OPCML: variants seen among roughly 807,000 people sequenced by gnomAD.
OPCML encodes the protein opioid binding protein/cell adhesion molecule like, also known as opioid-binding protein/cell adhesion molecule.
A neutral mutation model predicts 37.8 loss-of-function variants in OPCML; 13 were observed. That is an observed-to-expected ratio of 0.34 (90% CI 0.22 to 0.55). The LOEUF (loss-of-function observed/expected upper bound fraction) is 0.55. Ranked by LOEUF, OPCML falls within the 20% of genes least tolerant of loss-of-function variation. The pLI is 0.91. For synonymous variants in OPCML, 176 were observed against 168.8 expected (o/e 1.04, Z -0.33); for missense variants, 341 against 435.6 (o/e 0.78, Z 1.93).
At chr11:133,114,613 G>A (rs1225472428) in intron 1 of OPCML, among the ~76,000 whole-genome samples, 2 of 152,032 alleles carry the variant, frequency 1.3e-5, no homozygotes, top group Non-Finnish European at 2.9e-5. Flanking sequence ...AAAATACATG[G>A]CCTAACTGCT....
rs951910002 is a variant in OPCML, at chr11:132,791,213, G to C, written c.147-133894C>G. Among the ~76,000 whole-genome samples the C allele has an allele frequency of 2.0e-5, 3 of 152,152 alleles. No individual in the cohort carries two copies. The East Asian group carries it at 5.8e-4, about 29-fold the overall frequency. On this transcript the variant is annotated intron_variant, in intron 2 of 7. Coordinates refer to ENST00000524381, the MANE Select transcript of OPCML (RefSeq NM_001012393.5). ...TCCACGATCACACACTGTTGCAGCTGGGGAAGACTTGCCACATCTTCTTTT... is the reference window on the plus strand; with the variant it reads ...TCCACGATCACACACTGTTGCAGCTCGGGAAGACTTGCCACATCTTCTTTT...
At chr11:132,614,827 A>G (rs1938891071) in intron 3 of OPCML, among the ~76,000 whole-genome samples, 1 of 152,234 alleles carries the variant, frequency 6.6e-6, no homozygotes, top group Non-Finnish European at 1.5e-5. Flanking sequence ...GTGTATTTTC[A>G]TAAGCTGGAA....
chr11:133,100,146 C>T (rs1040330870), intron 1 of OPCML, among the ~76,000 whole-genome samples: 27 of 152,146 alleles, frequency 1.8e-4, no homozygotes, highest in Admixed American at 3.3e-4. Context: ...AAAGATGGGA[C>T]GAGACACCTG....
chr11:133,165,569 T>C (rs1349765651), intron 1 of OPCML, among the ~76,000 whole-genome samples: 1 of 152,176 alleles, frequency 6.6e-6, no homozygotes, highest in Non-Finnish European at 1.5e-5. Context: ...TATTTTCTCC[T>C]AGTTAAAGGT....
intron 1 of OPCML, among the ~76,000 whole-genome samples, chr11:133,055,497 A>T (rs113617601): frequency 6.8e-6 from 1 of 146,632 alleles, no homozygotes; most frequent in African/African-American, 2.6e-5. Flanking sequence ...TGCCTCCATG[A>T]TACTTCCAAG....
At chr11:132,807,484 A>G (rs1939084376) in intron 2 of OPCML, among the ~76,000 whole-genome samples, 1 of 152,234 alleles carries the variant, frequency 6.6e-6, no homozygotes, top group East Asian at 1.9e-4. Flanking sequence ...GTCCCATTTC[A>G]CTTCAAAGAA....
At chr11:132,425,543 G>C (rs1238263637) in intron 7 of OPCML, among the ~76,000 whole-genome samples, 2 of 152,240 alleles carry the variant, frequency 1.3e-5, no homozygotes, top group East Asian at 1.9e-4. Flanking sequence ...AATGAGTTAA[G>C]ATGGTGTGTG....
At chr11:133,510,482 G>T (rs963530442) in intron 1 of OPCML, among the ~76,000 whole-genome samples, 1 of 152,192 alleles carries the variant, frequency 6.6e-6, no homozygotes, top group Admixed American at 6.5e-5. Flanking sequence ...GATGCAAATC[G>T]TTTGTGGGCA....
intron 4 of OPCML, among the ~76,000 whole-genome samples, chr11:132,447,868 T>C (rs2096059520): frequency 6.6e-6 from 1 of 152,252 alleles, no homozygotes; most frequent in Non-Finnish European, 1.5e-5. Flanking sequence ...AGAAAGATTC[T>C]GTGTGCTCTC....
chr11:133,167,051 G>T (rs1950217425), intron 1 of OPCML, among the ~76,000 whole-genome samples: 1 of 152,160 alleles, frequency 6.6e-6, no homozygotes, highest in South Asian at 2.1e-4. Flanking sequence ...GAAGTAAAAA[G>T]AGGCTGAACA....
intron 1 of OPCML, among the ~76,000 whole-genome samples, chr11:133,465,462 A>G (rs564871254): frequency 3.3e-5 from 5 of 152,238 alleles, no homozygotes; most frequent in Admixed American, 3.3e-4. Flanking sequence ...ATGTGTGTAG[A>G]TGAGTTTTAG....
chr11:133,015,387 G>GGAAT (rs2136886396), intron 1 of OPCML, among the ~76,000 whole-genome samples: 1 of 86,828 alleles, frequency 1.2e-5, no homozygotes, highest in African/African-American at 5.0e-5. Flanking sequence ...AAGGAAGGAA[G>GGAAT]GAAGGAATGA....
intron 1 of OPCML, among the ~76,000 whole-genome samples, chr11:132,970,242 T>A (rs1300388595): frequency 6.6e-6 from 1 of 152,230 alleles, no homozygotes; most frequent in Non-Finnish European, 1.5e-5. Flanking sequence ...TTTTACTGTT[T>A]GAAAATCCTC....
chr11:133,285,615 G>A (rs572135603), intron 1 of OPCML, among the ~76,000 whole-genome samples: 5 of 152,292 alleles, frequency 3.3e-5, no homozygotes, highest in East Asian at 3.9e-4. Flanking sequence ...GGAGTGCTAC[G>A]TCTCCAATTA....
At chr11:132,727,457 A>G (rs1944926632) in intron 2 of OPCML, among the ~76,000 whole-genome samples, 1 of 152,174 alleles carries the variant, frequency 6.6e-6, no homozygotes, top group Non-Finnish European at 1.5e-5. Flanking sequence ...TGGGGAGGAA[A>G]GAGCTCTGTT....
intron 2 of OPCML, among the ~76,000 whole-genome samples, chr11:132,856,852 C>T (rs1942076732): frequency 6.6e-6 from 1 of 152,216 alleles, no homozygotes; most frequent in African/African-American, 2.4e-5. Context: ...AAGTCAAAGG[C>T]CGCACAGCAC....
At chr11:132,547,200 C>T (rs1452184946) in intron 3 of OPCML, among the ~76,000 whole-genome samples, 1 of 152,156 alleles carries the variant, frequency 6.6e-6, no homozygotes, top group Non-Finnish European at 1.5e-5. Flanking sequence ...ATACCTTCTT[C>T]CCTCTTTGAA....
chr11:132,917,421 T>C (rs1169652984), intron 2 of OPCML, among the ~76,000 whole-genome samples: 1 of 134,818 alleles, frequency 7.4e-6, no homozygotes, highest in Non-Finnish European at 1.5e-5. Context: ...GTAGTTAGCA[T>C]GTTTTTCTGC....
intron 1 of OPCML, among the ~76,000 whole-genome samples, chr11:133,514,183 G>C (rs1948215354): frequency 6.6e-6 from 1 of 152,194 alleles, no homozygotes; most frequent in African/African-American, 2.4e-5. Context: ...GTTTGCAGTA[G>C]GGATCATGAG....
Sources: gnomAD v4.1 joint callset for allele counts (sites outside exome capture counted in the v4.1 genomes callset) on GRCh38, gnomAD v4.1.1 for gene constraint, MANE v1.5 for transcripts, NCBI Gene and HGNC (gene_info 2026-07-23, HGNC 2026-07-21) for gene names.